Variants in CAP2 observed in about 807,000 individuals in gnomAD.
CAP2 encodes cyclase associated actin cytoskeleton regulatory protein 2.
A neutral mutation model predicts 57.7 loss-of-function variants in CAP2; 24 were observed. The ratio of observed to expected loss-of-function variants is 0.42; its 90% CI spans 0.30 to 0.58. CAP2 has a LOEUF of 0.58. Among genes scored for constraint, CAP2 ranks in the 20% least tolerant of loss-of-function variants. CAP2 has a pLI of 0.22. For missense variants in CAP2, 501 were observed against 590.3 expected (o/e 0.85, Z 1.57); for synonymous variants, 194 against 207.2 (o/e 0.94, Z 0.55).
intron 4 of CAP2, among the ~76,000 whole-genome samples, chr6:17,484,637 A>G (rs114889079): frequency 0.015 from 2,249 of 152,274 alleles, 59 homozygotes; most frequent in African/African-American, 0.05. Flanking sequence ...CCGAGCATGT[A>G]TGCTATGTCA....
intron 7 of CAP2, among the ~76,000 whole-genome samples, chr6:17,532,296 A>G (rs1472409815): frequency 4.0e-5 from 6 of 151,108 alleles, no homozygotes; most frequent in Non-Finnish European, 7.4e-5. Context: ...GTGTGCCACC[A>G]TGCCTGGCTA....
chr6:17,442,299 T>C (rs747056604), intron 3 of CAP2, among the ~76,000 whole-genome samples: 5 of 152,192 alleles, frequency 3.3e-5, no homozygotes, highest in Admixed American at 1.3e-4. Flanking sequence ...GGGTTCTTAA[T>C]TCTCTGGGTC....
intron 4 of CAP2, among the ~76,000 whole-genome samples, chr6:17,469,595 G>A (rs1481665797): frequency 4.6e-5 from 7 of 151,976 alleles, no homozygotes; most frequent in Admixed American, 2.6e-4. Flanking sequence ...TCCATAAGGG[G>A]GAGAGAGAGA....
intron 7 of CAP2, among the ~76,000 whole-genome samples, chr6:17,525,338 G>C (rs1477524696): frequency 3.3e-5 from 5 of 151,774 alleles, no homozygotes; most frequent in Non-Finnish European, 7.4e-5. Context: ...CTAAAATAAG[G>C]GCTAGCAAGT....
rs1346087702 is a variant in CAP2 at position 17,539,427 on chromosome 6, C to T, written c.795C>T (p.Ala265=). The change falls in exon 8 of 13, where the codon GCC becomes GCT. Residue 265 remains alanine (A), a synonymous_variant. Transcript: ENST00000229922. ...ESSPSRSALF[A]QLNQGEAITK... is the part of the protein sequence containing the mutation. ...CTCCTTCACGCTCAGCTTTATTTGC[C>T]CAACTTAACCAGGGAGAAGCAATTA... The T allele has an allele frequency of 6.2e-7, 1 of 1,613,932 alleles. No individual in the cohort carries two copies. The highest frequency in any genetic ancestry group is 2.2e-5 in the East Asian group (1 of 44,884).
chr6:17,524,896 T>TTC (rs1377608182), intron 7 of CAP2, among the ~76,000 whole-genome samples: 30 of 101,444 alleles, frequency 3.0e-4, no homozygotes, highest in African/African-American at 8.0e-4. Context: ...TTCTTTTCTT[T>TTC]TTTTTTTTTT....
At chr6:17,545,763 T>C (rs1317344025) in intron 11 of CAP2, among the ~76,000 whole-genome samples, 1 of 152,192 alleles carries the variant, frequency 6.6e-6, no homozygotes, top group Non-Finnish European at 1.5e-5. Context: ...GTTCTCATTG[T>C]TCAATACCTA....
intron 4 of CAP2, among the ~76,000 whole-genome samples, chr6:17,466,397 C>T (rs1043059808): frequency 2.6e-5 from 4 of 152,144 alleles, no homozygotes; most frequent in South Asian, 4.1e-4. Context: ...CAAGACTCTG[C>T]GGTTCTAAAA....
rs1163784014 is a variant in CAP2 at position 17,542,968 on chromosome 6, A to G, written c.1126+8A>G. The G allele has an allele frequency of 1.2e-6, 2 of 1,613,644 alleles. No individual in the cohort carries two copies. The highest frequency in any genetic ancestry group is 1.7e-6 in the Non-Finnish European group (2 of 1,179,662). ...TAAACTCCATTATAATTGGTAGGGC[A>G]GAATTATGGCTCTATGGTTATTATG... On this transcript the variant is annotated splice_region_variant and intron_variant, in intron 10 of 12. Transcript: ENST00000229922.
rs780820194 is a variant in CAP2, at chr6:17,556,407, A to G, written c.1399A>G (p.Lys467Glu). ...EQFKTAWDGS[K>E]LITEPAEIMA ...GTTCAAGACAGCATGGGATGGATCC[A>G]AGTTAATCACTGAACCTGCAGAAAT... is the stretch of plus-strand genomic sequence containing the variant. Residue 467 changes from lysine to glutamate, a missense_variant, in exon 13 of 13, where the codon AAG (lysine) becomes GAG (glutamate). Coordinates refer to ENST00000229922, the MANE Select transcript of CAP2 (RefSeq NM_006366.3). 2 of 1,613,966 alleles carry G rather than the reference A, an allele frequency of 1.2e-6. No homozygotes were observed. The highest frequency in any genetic ancestry group is 1.7e-6 in the Non-Finnish European group (2 of 1,179,814).
intron 3 of CAP2, among the ~76,000 whole-genome samples, chr6:17,452,850 C>T (rs1302743913): frequency 6.6e-6 from 1 of 152,230 alleles, no homozygotes; most frequent in Admixed American, 6.5e-5. Context: ...TCACCTCACC[C>T]GTAGTCTCCC....
intron 6 of CAP2, among the ~76,000 whole-genome samples, chr6:17,511,660 G>A (rs1388393755): frequency 1.3e-5 from 2 of 152,056 alleles, no homozygotes; most frequent in Non-Finnish European, 2.9e-5. Flanking sequence ...CGCCATGTTG[G>A]TCAGGCTGGT....
chr6:17,475,129 A>G (rs1344233665), intron 4 of CAP2, among the ~76,000 whole-genome samples: 1 of 151,208 alleles, frequency 6.6e-6, no homozygotes, highest in Non-Finnish European at 1.5e-5. Flanking sequence ...TGGGAGGCGG[A>G]GGTTGCAGTG....
intron 7 of CAP2, among the ~76,000 whole-genome samples, chr6:17,523,269 A>G (rs890982081): frequency 1.3e-5 from 2 of 152,168 alleles, no homozygotes; most frequent in African/African-American, 4.8e-5. Flanking sequence ...AAAATTTCCA[A>G]TCTGGAAGTC....
intron 4 of CAP2, among the ~76,000 whole-genome samples, chr6:17,480,323 C>A (rs1761256324): frequency 6.6e-6 from 1 of 152,264 alleles, no homozygotes; most frequent in South Asian, 2.1e-4. Context: ...TGTGACTATG[C>A]AAGGGCCCAA....
At chr6:17,447,784 T>C (rs555404070) in intron 3 of CAP2, among the ~76,000 whole-genome samples, 1 of 152,346 alleles carries the variant, frequency 6.6e-6, no homozygotes, top group African/African-American at 2.4e-5. Context: ...AGGCTTGAGC[T>C]ACCACACCTG....
intron 3 of CAP2, among the ~76,000 whole-genome samples, chr6:17,440,861 C>T (rs534678742): frequency 3.3e-5 from 5 of 151,298 alleles, no homozygotes; most frequent in South Asian, 2.1e-4. Flanking sequence ...TGATGTTCCC[C>T]GCCCTGTGTC....
At position 17,507,285 on chromosome 6, in the gene CAP2, C is replaced by T; in HGVS notation, c.417C>T (p.Ser139=). ...MFNHLSAVSE[S]IPALGWIAVS... is the part of the protein sequence containing the mutation. ...ATCATCTTTCGGCCGTCAGCGAAAG[C>T]ATCCCTGCCCTTGGATGGATAGCTG... Residue 139 remains serine, a synonymous_variant, in exon 5 of 13, where the codon AGC becomes AGT. Transcript: ENST00000229922. 6.2e-7 allele frequency: 1 copy of T among 1,614,182 alleles called. No homozygotes were observed. Among genetic ancestry groups the T allele is most frequent in the Non-Finnish European group, 8.5e-7 (1 of 1,180,004 alleles).
intron 4 of CAP2, among the ~76,000 whole-genome samples, chr6:17,478,098 G>C (rs1023694760): frequency 8.7e-5 from 13 of 149,580 alleles, no homozygotes; most frequent in African/African-American, 3.2e-4. Context: ...TACTCTTTTA[G>C]ATAGGCTGTA....
Sources: allele counts gnomAD v4.1 joint callset (sites outside exome capture counted in the v4.1 genomes callset), GRCh38; gene constraint gnomAD v4.1.1; transcripts MANE v1.5; gene names NCBI Gene and HGNC (gene_info 2026-07-23, HGNC 2026-07-21).